TRAPPC3L: variants seen among roughly 807,000 people sequenced by gnomAD.
TRAPPC3L encodes trafficking protein particle complex subunit 3-like protein.
TRAPPC3L carries 23 observed loss-of-function variants against 23.7 expected under a neutral mutation model. The observed-to-expected ratio is 0.97, with a 90% CI of 0.70 to 1.37. The LOEUF (loss-of-function observed/expected upper bound fraction) is 1.37, where lower values mean the gene tolerates loss of function less well. Among genes scored for constraint, TRAPPC3L ranks in the 40% most tolerant of loss-of-function variants. The pLI, the probability that TRAPPC3L is intolerant of heterozygous loss-of-function variation, is 0.00. For missense variants in TRAPPC3L, 212 were observed against 216.8 expected (o/e 0.98, Z 0.14); for synonymous variants, 81 against 77.9 (o/e 1.04, Z -0.21).
chr6:116,528,745 G>A (rs1435271325), intron 3 of TRAPPC3L, among the ~76,000 whole-genome samples: 1 of 152,108 alleles, frequency 6.6e-6, no homozygotes, highest in Non-Finnish European at 1.5e-5. Flanking sequence ...TGTTGTGTTG[G>A]GCTGTGACTT....
At chr6:116,504,405 A>G (rs1305193401) in intron 3 of TRAPPC3L, among the ~76,000 whole-genome samples, 1 of 152,242 alleles carries the variant, frequency 6.6e-6, no homozygotes, top group Non-Finnish European at 1.5e-5. Context: ...TACCAACCGA[A>G]AAAAGTCCAG....
chr6:116,540,355 A>G lies in TRAPPC3L; in HGVS notation c.240+8T>C. 6.5e-7 allele frequency: 1 copy of G among 1,550,154 alleles called. No homozygotes were observed. Among genetic ancestry groups the G allele is most frequent in the Non-Finnish European group, 8.7e-7 (1 of 1,146,078 alleles). On this transcript the variant is annotated splice_region_variant and intron_variant, in intron 3 of 4. Transcript: ENST00000368602. ...AAAACATATTGACAGAGATAAAAAC[A>G]TAGTTACCTGGGCAATTATGTCTAT... is the stretch of plus-strand genomic sequence containing the variant.
chr6:116,530,042 G>T (rs1434291388), intron 3 of TRAPPC3L, among the ~76,000 whole-genome samples: 1 of 152,136 alleles, frequency 6.6e-6, no homozygotes, highest in Admixed American at 6.5e-5. Flanking sequence ...TTCAAGTGTT[G>T]TGCATCATAC....
At chr6:116,511,570 T>C (rs1274889052) in intron 3 of TRAPPC3L, 1 of 809,274 alleles carries the variant, frequency 1.2e-6, no homozygotes, top group Non-Finnish European at 2.0e-6. Context: ...ATTGTTTCCT[T>C]ATCTGGCTCA....
intron 3 of TRAPPC3L, among the ~76,000 whole-genome samples, chr6:116,509,472 A>T (rs1246769480): frequency 1.3e-5 from 2 of 152,376 alleles, no homozygotes; most frequent in East Asian, 3.8e-4. Context: ...TTATCAAAAC[A>T]GCATAGCACT....
At chr6:116,511,906 CA>C (rs1562339080) in intron 3 of TRAPPC3L, 2 of 1,614,006 alleles carry the variant, frequency 1.2e-6, no homozygotes, top group Admixed American at 3.3e-5. Flanking sequence ...TCTTTCTGAA[CA>C]ATAGGTCGTG....
At chr6:116,531,959 G>T (rs1377602162) in intron 3 of TRAPPC3L, among the ~76,000 whole-genome samples, 2 of 151,656 alleles carry the variant, frequency 1.3e-5, no homozygotes, top group African/African-American at 4.8e-5. Flanking sequence ...ACCAAGTTGA[G>T]TTCGCTGTCA....
At position 116,514,476 on chromosome 6, in the gene TRAPPC3L, G is replaced by T. The variant is rs186105522; in HGVS notation, c.241-13810C>A. Among the ~76,000 whole-genome samples the T allele has an allele frequency of 3.2e-3, 491 of 152,296 alleles. 12 individuals are homozygous for T. Among genetic ancestry groups the T allele is most frequent in the Admixed American group, 0.022 (344 of 15,300 alleles). ...GTGTATATATATTTGAAGAATAGCA[G>T]CATATAATATTAGCTAAAACTTAAT... On this transcript the variant is annotated intron_variant, in intron 3 of 4. Transcript: ENST00000368602.
intron 4 of TRAPPC3L, among the ~76,000 whole-genome samples, chr6:116,497,557 T>C (rs1771849786): frequency 6.6e-6 from 1 of 152,208 alleles, no homozygotes; most frequent in Non-Finnish European, 1.5e-5. Flanking sequence ...CTTTGAGAGC[T>C]TTGAGAATAA....
chr6:116,515,498 A>G (rs1772203878), intron 3 of TRAPPC3L: 2 of 1,248,120 alleles, frequency 1.6e-6, no homozygotes, highest in Admixed American at 2.3e-5. Context: ...GAGGTATGTC[A>G]AAGACTGTGG....
chr6:116,500,530 A>G lies in TRAPPC3L; in HGVS notation c.377T>C (p.Leu126Pro). The G allele has an allele frequency of 6.4e-7, 1 of 1,551,740 alleles. No individual in the cohort carries two copies. Among genetic ancestry groups the G allele is most frequent in the South Asian group, 1.2e-5 (1 of 84,066 alleles). ...CCCACAGAGCAAGTTGCAGTAGCAC[A>G]GAGAAGATCGCCCAGCAGGGAGCTC... ...VEELPAGRSSLCYCNLLCGII... is the reference protein window; with the variant it reads ...VEELPAGRSSPCYCNLLCGII... The change falls in exon 4 of 5, where the codon CTG (leucine) becomes CCG (proline). Residue 126 changes from leucine (L) to proline (P), a missense_variant. Leu to Pro is a moderately conservative substitution (Grantham distance 98). Transcript: ENST00000368602.
intron 3 of TRAPPC3L, among the ~76,000 whole-genome samples, chr6:116,527,971 ACTT>A (rs1001617562): frequency 6.6e-6 from 1 of 152,228 alleles, no homozygotes; most frequent in Non-Finnish European, 1.5e-5. Context: ...ATTTAAAAAA[ACTT>A]CTCCCTTAGA....
chr6:116,500,174 C>G (rs1290717195), intron 4 of TRAPPC3L, among the ~76,000 whole-genome samples: 2 of 152,192 alleles, frequency 1.3e-5, no homozygotes, highest in Non-Finnish European at 2.9e-5. Context: ...GAAGTAGATT[C>G]TCCAGCCTCA....
intron 3 of TRAPPC3L, chr6:116,522,321 C>G (rs1772360697): frequency 6.6e-6 from 1 of 152,188 alleles, no homozygotes; most frequent in African/African-American, 2.4e-5. Context: ...AAATCATGAG[C>G]TTAAATAAAT....
chr6:116,533,816 A>T (rs1321472421), intron 3 of TRAPPC3L, among the ~76,000 whole-genome samples: 1 of 152,168 alleles, frequency 6.6e-6, no homozygotes, highest in African/African-American at 2.4e-5. Context: ...CTGGCAGGGC[A>T]TAGAATACCC....
rs1458926115 is a variant in TRAPPC3L, at chr6:116,540,373, A to G, written c.230T>C (p.Ile77Thr). 2 of 1,551,016 alleles carry G rather than the reference A, an allele frequency of 1.3e-6. No individual in the cohort carries two copies. The highest frequency in any genetic ancestry group is 2.0e-5 in the Admixed American group (1 of 50,930). ...RCHSYSEIIDIIAQVAFKMYL... is the reference protein window; with the variant it reads ...RCHSYSEIIDTIAQVAFKMYL... ...TAAAAACATAGTTACCTGGGCAATTATGTCTATAATTTCTGAATAACTATG... is the reference window on the plus strand; with the variant it reads ...TAAAAACATAGTTACCTGGGCAATTGTGTCTATAATTTCTGAATAACTATG... The change falls in exon 3 of 5, where the codon ATA becomes ACA. Residue 77 changes from isoleucine to threonine, a missense_variant. Coordinates refer to ENST00000368602, the MANE Select transcript of TRAPPC3L (RefSeq NM_001139444.3).
At chr6:116,541,292 G>T (rs543656191) in intron 2 of TRAPPC3L, among the ~76,000 whole-genome samples, 1 of 152,300 alleles carries the variant, frequency 6.6e-6, no homozygotes, top group East Asian at 1.9e-4. Flanking sequence ...TTGCAATCTA[G>T]CTGAGAAAAT....
intron 3 of TRAPPC3L, chr6:116,511,931 G>A (rs1266047686): frequency 3.7e-6 from 6 of 1,613,876 alleles, no homozygotes; most frequent in Non-Finnish European, 5.1e-6. Context: ...ACTCTTCACA[G>A]GCTGCTGTGT....
At chr6:116,529,367 A>C (rs1772556982) in intron 3 of TRAPPC3L, among the ~76,000 whole-genome samples, 1 of 151,914 alleles carries the variant, frequency 6.6e-6, no homozygotes, top group Non-Finnish European at 1.5e-5. Flanking sequence ...AGATATTAAA[A>C]AATTTTAGAA....
Sources: gnomAD v4.1 joint callset for allele counts (sites outside exome capture counted in the v4.1 genomes callset) on GRCh38, gnomAD v4.1.1 for gene constraint, MANE v1.5 for transcripts, NCBI Gene and HGNC (gene_info 2026-07-23, HGNC 2026-07-21) for gene names.